The following DAB1 variants were observed in gnomAD, a reference collection of about 807,000 sequenced individuals.
DAB1 encodes disabled homolog 1.
Under a neutral mutation model 64.6 loss-of-function variants are expected in DAB1, and 15 were observed. That is an observed-to-expected ratio of 0.23 (90% CI 0.16 to 0.36). The LOEUF (loss-of-function observed/expected upper bound fraction) is 0.36, where lower values mean the gene tolerates loss of function less well. Ranked by LOEUF, DAB1 falls within the 10% of genes least tolerant of loss-of-function variation. DAB1 has a pLI of 1.00. For synonymous variants in DAB1, 235 were observed against 251.9 expected (o/e 0.93, Z 0.64); for missense variants, 596 against 706.7 (o/e 0.84, Z 1.78).
At chr1:57,268,588 G>A (rs1207523787) in intron 2 of DAB1, among the ~76,000 whole-genome samples, 1 of 152,054 alleles carries the variant, frequency 6.6e-6, no homozygotes, top group African/African-American at 2.4e-5. Context: ...AAAAAACCAG[G>A]TTTCTTCCCT....
intron 6 of DAB1, among the ~76,000 whole-genome samples, chr1:57,814,840 T>C (rs1389928613): frequency 6.6e-6 from 1 of 152,106 alleles, no homozygotes; most frequent in African/African-American, 2.4e-5. Context: ...TACTCATTCA[T>C]TGTATGAGTG....
At chr1:57,631,929 A>C (rs1645994813) in intron 7 of DAB1, among the ~76,000 whole-genome samples, 1 of 152,128 alleles carries the variant, frequency 6.6e-6, no homozygotes, top group African/African-American at 2.4e-5. Context: ...CCTCTGATAG[A>C]TGGTAATTGG....
chr1:57,717,732 G>A (rs1015887280), intron 6 of DAB1, among the ~76,000 whole-genome samples: 16 of 151,846 alleles, frequency 1.1e-4, no homozygotes, highest in African/African-American at 3.1e-4. Context: ...ACATATTTAT[G>A]TATACATATA....
chr1:58,483,267 C>A (rs1017696463), intron 3 of DAB1, among the ~76,000 whole-genome samples: 1 of 152,144 alleles, frequency 6.6e-6, no homozygotes, highest in Admixed American at 6.5e-5. Context: ...TCAAACATAT[C>A]TGGGCAAGGA....
chr1:57,786,506 G>C (rs1650346108), intron 6 of DAB1, among the ~76,000 whole-genome samples: 2 of 152,120 alleles, frequency 1.3e-5, no homozygotes, highest in Admixed American at 1.3e-4. Flanking sequence ...ATCAAAATTA[G>C]CTTGCCCAAG....
At chr1:57,787,032 A>C (rs1407972471) in intron 6 of DAB1, among the ~76,000 whole-genome samples, 2 of 152,184 alleles carry the variant, frequency 1.3e-5, no homozygotes, top group Non-Finnish European at 2.9e-5. Context: ...AATAAATGGA[A>C]AGATAAACTG....
At chr1:58,238,962 G>A (rs1660172385) in intron 4 of DAB1, among the ~76,000 whole-genome samples, 1 of 152,094 alleles carries the variant, frequency 6.6e-6, no homozygotes, top group East Asian at 1.9e-4. Flanking sequence ...AGTAACTTCT[G>A]GGGCAGTTCC....
chr1:57,698,192 C>T (rs1286533536), intron 6 of DAB1, among the ~76,000 whole-genome samples: 1 of 151,702 alleles, frequency 6.6e-6, no homozygotes, highest in African/African-American at 2.4e-5. Flanking sequence ...GCTCAAGGAA[C>T]CCTCCTTCTT....
In DAB1 at chr1:58,055,395, C is replaced by T. The variant is rs114550005; in HGVS notation, n.387+95116G>A. Among the ~76,000 whole-genome samples the T allele has an allele frequency of 3.9e-5, 6 of 152,278 alleles. No homozygotes were observed. In the Middle Eastern group the frequency reaches 0.01, roughly 259 times the overall value. On this transcript the variant is annotated intron_variant and non_coding_transcript_variant, in intron 5 of 20. Transcript: ENST00000485760. ...TCCCTCATCTCCATTTAGATCTGTG[C>T]TCACATATCACCTTCATTCTACTCT...
intron 1 of DAB1, among the ~76,000 whole-genome samples, chr1:57,356,353 T>A (rs1679101462): frequency 6.6e-6 from 1 of 152,140 alleles, no homozygotes; most frequent in African/African-American, 2.4e-5. Flanking sequence ...ATACCTACTA[T>A]AAGAGTAATT....
intron 3 of DAB1, chr1:58,468,989 A>G: frequency 8.2e-6 from 2 of 244,286 alleles, no homozygotes; most frequent in Non-Finnish European, 1.3e-5. Flanking sequence ...ACCTTCTTTC[A>G]TTTATTCATC....
At position 57,806,366 on chromosome 1, in the gene DAB1, A is replaced by G. The variant is rs907628139; in HGVS notation, n.551+77633T>C. Among the ~76,000 whole-genome samples the G allele has an allele frequency of 1.8e-4, 28 of 152,312 alleles. No homozygotes were observed. The Middle Eastern group carries it at 0.01, about 56-fold the overall frequency. On this transcript the variant is annotated intron_variant and non_coding_transcript_variant, in intron 6 of 20. Transcript: ENST00000485760. ...AGGTCATTAGGATAGAACCTCATCC[A>G]ATGAGACTGACGTCCTTGTGAAAAG...
At chr1:57,663,202 A>G (rs1570716848) in intron 6 of DAB1, among the ~76,000 whole-genome samples, 1 of 152,142 alleles carries the variant, frequency 6.6e-6, no homozygotes, top group African/African-American at 2.4e-5. Flanking sequence ...GAGAAGGGGG[A>G]GGTGCCACAC....
chr1:57,919,517 G>C (rs1366468636), intron 5 of DAB1, among the ~76,000 whole-genome samples: 1 of 152,206 alleles, frequency 6.6e-6, no homozygotes, highest in East Asian at 1.9e-4. Context: ...TAAAGCTTGA[G>C]CTAAGCCTTG....
chr1:57,675,179 A>T (rs1646551659), intron 6 of DAB1, among the ~76,000 whole-genome samples: 1 of 152,190 alleles, frequency 6.6e-6, no homozygotes, highest in Non-Finnish European at 1.5e-5. Flanking sequence ...AGAAAAACCA[A>T]ACTTTGGCAT....
At chr1:57,084,630 T>C (rs1557690620) in intron 4 of DAB1, among the ~76,000 whole-genome samples, 2 of 152,186 alleles carry the variant, frequency 1.3e-5, no homozygotes, top group African/African-American at 2.4e-5. Flanking sequence ...GTCTTTCTGC[T>C]CTCTCAGTGA....
chr1:57,948,029 T>C (rs1645209268), intron 5 of DAB1, among the ~76,000 whole-genome samples: 2 of 152,180 alleles, frequency 1.3e-5, no homozygotes, highest in Admixed American at 6.6e-5. Context: ...CCTGTGCTTA[T>C]GCTAGCCCCT....
chr1:57,441,272 CTCTTTCTTTCTTTCTT>C (rs60171938), intron 7 of DAB1, among the ~76,000 whole-genome samples: 1,116 of 72,600 alleles, frequency 0.015, 19 homozygotes, highest in African/African-American at 0.033. Flanking sequence ...TTCTTTCTTT[CTCTTTCTTTCTTTCTT>C]TCTTTCTTTC....
intron 6 of DAB1, among the ~76,000 whole-genome samples, chr1:57,751,957 G>A (rs1339283763): frequency 6.6e-6 from 1 of 152,222 alleles, no homozygotes; most frequent in African/African-American, 2.4e-5. Context: ...AACATTAAGA[G>A]ACTGAAACAG....
Sources: gnomAD v4.1 joint callset for allele counts (sites outside exome capture counted in the v4.1 genomes callset) on GRCh38, gnomAD v4.1.1 for gene constraint, MANE v1.5 for transcripts, NCBI Gene and HGNC (gene_info 2026-07-23, HGNC 2026-07-21) for gene names.